Variants in SPINK1 observed in about 807,000 individuals in gnomAD.
SPINK1 encodes the protein serine protease inhibitor Kazal-type 1.
In SPINK1, 5 loss-of-function variants were observed where a neutral mutation model predicts 9.5. The ratio of observed to expected loss-of-function variants is 0.52; its 90% CI spans 0.27 to 1.10. The LOEUF is 1.10. Ranked by LOEUF, SPINK1 falls within the 50% of genes least tolerant of loss-of-function variation. The pLI is 0.11. For synonymous variants in SPINK1, 37 were observed against 32.3 expected (o/e 1.14, Z -0.49); for missense variants, 88 against 92.7 (o/e 0.95, Z 0.21).
intron 3 of SPINK1, among the ~76,000 whole-genome samples, chr5:147,825,005 A>T (rs1015238605): frequency 3.3e-5 from 5 of 152,172 alleles, no homozygotes; most frequent in Admixed American, 6.5e-5. Context: ...ACTCAAAACT[A>T]TTGTTGCATC....
intron 2 of SPINK1, 95 bp downstream of exon 2, chr5:147,829,504 C>T: frequency 8.1e-7 from 1 of 1,237,882 alleles, no homozygotes; most frequent in African/African-American, 1.5e-5. Context: ...CTCCTCTTAA[C>T]TTCAGGCTAA....
At chr5:147,833,122 A>G (rs1223960022), upstream of SPINK1, among the ~76,000 whole-genome samples, 61 of 152,160 alleles carry the variant, frequency 4.0e-4, no homozygotes, top group Non-Finnish European at 5.9e-5. Flanking sequence ...TGAACTATGC[A>G]TTTATTCCAA....
intron 3 of SPINK1, among the ~76,000 whole-genome samples, chr5:147,826,422 T>G (rs1756405355): frequency 6.6e-6 from 1 of 152,182 alleles, no homozygotes; most frequent in African/African-American, 2.4e-5. Flanking sequence ...CAAATGTGCC[T>G]CCCATATTTA....
At chr5:147,837,006 C>A in the SPINK1 span, among the ~76,000 whole-genome samples, 5 of 152,282 alleles carry the variant, frequency 3.3e-5, no homozygotes, top group East Asian at 9.6e-4. Context: ...AAAGTCTAAT[C>A]TTTGCAGAAT....
At chr5:147,836,326 G>GTGTGTGTA (rs1350196299), upstream of SPINK1, among the ~76,000 whole-genome samples, 2 of 147,072 alleles carry the variant, frequency 1.4e-5, no homozygotes, top group East Asian at 4.0e-4. Context: ...GTGTGTGTGT[G>GTGTGTGTA]TGTGTACAAA....
intron 3 of SPINK1, among the ~76,000 whole-genome samples, chr5:147,824,940 G>A (rs1344712995): frequency 6.6e-6 from 1 of 152,112 alleles, no homozygotes; most frequent in African/African-American, 2.4e-5. Context: ...AAAAATATCT[G>A]TCCTTACAGT....
the SPINK1 span, among the ~76,000 whole-genome samples, chr5:147,837,239 G>A: frequency 2.6e-5 from 4 of 152,120 alleles, no homozygotes; most frequent in African/African-American, 4.8e-5. Flanking sequence ...TCTGCAAAAC[G>A]TATCATGTAG....
intron 2 of SPINK1, among the ~76,000 whole-genome samples, chr5:147,828,587 G>A (rs777403713): frequency 4.6e-5 from 7 of 152,182 alleles, no homozygotes; most frequent in Admixed American, 1.3e-4. Flanking sequence ...GCATTGTCGG[G>A]TGTTGGAAGT....
intron 3 of SPINK1, among the ~76,000 whole-genome samples, chr5:147,824,916 A>T (rs1412043874): frequency 6.6e-6 from 1 of 152,234 alleles, no homozygotes; most frequent in Non-Finnish European, 1.5e-5. Context: ...TACACTAAGG[A>T]TACAACAGAA....
intron 3 of SPINK1, 109 bp downstream of exon 3, chr5:147,827,913 G>A (rs1291811795): frequency 1.3e-5 from 10 of 793,890 alleles, no homozygotes; most frequent in Non-Finnish European, 2.0e-5. Flanking sequence ...ACTGTTTTTG[G>A]AAAAAGTAAA....
At chr5:147,831,750 CAG>C, upstream of SPINK1, 1 of 1,461,262 alleles carries the variant, frequency 6.8e-7, no homozygotes, top group Non-Finnish European at 9.0e-7. Flanking sequence ...GCCTGGCCTC[CAG>C]GTTCTGGGAA....
chr5:147,824,702 G>A lies in SPINK1; in HGVS notation c.199C>T (p.Arg67Cys), dbSNP rs515726208. ...TTTTGAATGAGGATAGAAGTCTGGC[G>A]TTTCCTGCAGTAGAGATTAAAAAAA... is the stretch of plus-strand genomic sequence containing the variant. ...ECVLCFENRK[R>C]QTSILIQKSG... Residue 67 changes from arginine (R) to cysteine (C), a missense_variant, in exon 4 of 4, where the codon CGC becomes TGC. Arg to Cys is a radical substitution (Grantham distance 180). Coordinates refer to ENST00000296695, the MANE Select transcript of SPINK1 (RefSeq NM_001379610.1). 35 of 1,613,762 alleles carry A rather than the reference G, an allele frequency of 2.2e-5. No homozygotes were observed. The East Asian group carries it at 2.2e-4, about 10-fold the overall frequency.
At chr5:147,830,507 T>C (rs1178872212) in intron 1 of SPINK1, among the ~76,000 whole-genome samples, 1 of 152,156 alleles carries the variant, frequency 6.6e-6, no homozygotes, top group Non-Finnish European at 1.5e-5. Flanking sequence ...GAGGCATCTA[T>C]GAGCTTGGAG....
Position 147,831,529 on chromosome 5 carries a change from G to A in SPINK1, c.49C>T (p.Leu17=), listed in dbSNP as rs748579590. 1 of 1,613,540 alleles carries A rather than the reference G, an allele frequency of 6.2e-7. No homozygotes were observed. The highest frequency in any genetic ancestry group is 2.2e-5 in the East Asian group (1 of 44,816). Residue 17 remains leucine (L), a synonymous_variant, in exon 1 of 4, where the codon CTA becomes TTA. Coordinates refer to ENST00000296695, the MANE Select transcript of SPINK1 (RefSeq NM_001379610.1). ...AAAAATATGCAACACTTACCAGATA[G>A]ACTCAACAGGGCCAAGGCACTGAGA... ...FLLSALALLS[L]SGNTGADSLG...
chr5:147,825,088 T>A, intron 3 of SPINK1, among the ~76,000 whole-genome samples: 1 of 152,198 alleles, frequency 6.6e-6, no homozygotes, highest in East Asian at 1.9e-4. Context: ...TGTTGGACCT[T>A]CTAATTGATT....
chr5:147,831,307 T>A (rs1192195655), intron 1 of SPINK1, among the ~76,000 whole-genome samples: 2 of 152,218 alleles, frequency 1.3e-5, no homozygotes, highest in Non-Finnish European at 2.9e-5. Context: ...AACCATTTTA[T>A]TTCTGGGAAT....
chr5:147,835,139 G>A (rs948494189), upstream of SPINK1, among the ~76,000 whole-genome samples: 1 of 152,086 alleles, frequency 6.6e-6, no homozygotes, highest in African/African-American at 2.4e-5. Context: ...AACCCATGGA[G>A]AAAGGGGCCT....
chr5:147,837,947 C>T, the SPINK1 span, among the ~76,000 whole-genome samples: 1 of 151,994 alleles, frequency 6.6e-6, no homozygotes, highest in Non-Finnish European at 1.5e-5. Context: ...GGTGATCCAC[C>T]CGCCTCGGCC....
the SPINK1 span, among the ~76,000 whole-genome samples, chr5:147,838,960 T>C: frequency 6.6e-6 from 1 of 152,100 alleles, no homozygotes; most frequent in Non-Finnish European, 1.5e-5. Context: ...ACCAACACTG[T>C]GATCCCTGTC....
Sources: gnomAD v4.1 joint callset for allele counts (sites outside exome capture counted in the v4.1 genomes callset) on GRCh38, gnomAD v4.1.1 for gene constraint, MANE v1.5 for transcripts, NCBI Gene and HGNC (gene_info 2026-07-23, HGNC 2026-07-21) for gene names.